CSNK2A2IP: variants seen among roughly 807,000 people sequenced by gnomAD.
The protein encoded by CSNK2A2IP is casein kinase 2 subunit alpha' interacting protein, also known as casein kinase II subunit alpha'-interacting protein.
At chr3:88,442,189 T>C in the CSNK2A2IP span, among the ~76,000 whole-genome samples, 1 of 152,074 alleles carries the variant, frequency 6.6e-6, no homozygotes. Flanking sequence ...AATTTCTATT[T>C]GGCCTATGAA....
the CSNK2A2IP span, among the ~76,000 whole-genome samples, chr3:88,462,406 C>T: frequency 1.3e-5 from 2 of 152,150 alleles, no homozygotes; most frequent in East Asian, 3.9e-4. Flanking sequence ...GTGTTTATTA[C>T]TCACACAGGC....
chr3:88,374,858 T>A, the CSNK2A2IP span, among the ~76,000 whole-genome samples: 1 of 151,650 alleles, frequency 6.6e-6, no homozygotes, highest in African/African-American at 2.4e-5. Flanking sequence ...TCAAATATAT[T>A]CCAACTATAC....
chr3:88,451,885 A>G, the CSNK2A2IP span, among the ~76,000 whole-genome samples: 1 of 151,872 alleles, frequency 6.6e-6, no homozygotes, highest in Admixed American at 6.6e-5. Context: ...AAATGCCTTA[A>G]TAATCTTTAT....
At chr3:88,465,759 C>A in the CSNK2A2IP span, 1 of 1,231,692 alleles carries the variant, frequency 8.1e-7, no homozygotes. Context: ...CTTCATCTGA[C>A]CTCAACATGA....
At chr3:88,424,727 A>G in the CSNK2A2IP span, among the ~76,000 whole-genome samples, 2 of 152,090 alleles carry the variant, frequency 1.3e-5, no homozygotes, top group African/African-American at 4.8e-5. Flanking sequence ...GGCTTGCAAC[A>G]TTTGGTCTGT....
At chr3:88,419,961 A>G in the CSNK2A2IP span, among the ~76,000 whole-genome samples, 1 of 152,182 alleles carries the variant, frequency 6.6e-6, no homozygotes, top group Non-Finnish European at 1.5e-5. Flanking sequence ...GCAAAGAGGA[A>G]AAAAACCAAT....
the CSNK2A2IP span, among the ~76,000 whole-genome samples, chr3:88,369,584 G>C: frequency 6.6e-6 from 1 of 151,898 alleles, no homozygotes; most frequent in African/African-American, 2.4e-5. Flanking sequence ...GAAAATTCTA[G>C]AAGGAGGAGC....
the CSNK2A2IP span, chr3:88,465,499 T>A: frequency 2.4e-6 from 3 of 1,231,642 alleles, no homozygotes; most frequent in Non-Finnish European, 3.0e-6. Context: ...CAAAGTGCAA[T>A]CCCATAGCAA....
the CSNK2A2IP span, among the ~76,000 whole-genome samples, chr3:88,355,390 G>A: frequency 1.2e-4 from 19 of 152,140 alleles, no homozygotes; most frequent in African/African-American, 4.6e-4. Context: ...CCCAGAGTCT[G>A]CACTATAAAA....
chr3:88,439,343 T>C, the CSNK2A2IP span, among the ~76,000 whole-genome samples: 2 of 152,110 alleles, frequency 1.3e-5, no homozygotes, highest in Admixed American at 6.5e-5. Context: ...GTAGATAAAT[T>C]TACAGTCTAA....
chr3:88,384,674 G>C, the CSNK2A2IP span, among the ~76,000 whole-genome samples: 140 of 152,304 alleles, frequency 9.2e-4, 1 homozygote, highest in Middle Eastern at 3.4e-3. Flanking sequence ...AACAATTTTT[G>C]TGGCTATAGA....
chr3:88,449,764 C>T, the CSNK2A2IP span, among the ~76,000 whole-genome samples: 1 of 133,268 alleles, frequency 7.5e-6, no homozygotes, highest in Admixed American at 7.5e-5. Context: ...TTTTTCTCTT[C>T]ACGATTGTGA....
the CSNK2A2IP span, chr3:88,465,972 A>G: frequency 1.6e-6 from 2 of 1,231,510 alleles, no homozygotes; most frequent in African/African-American, 3.1e-5. Flanking sequence ...CTTCCTTGGG[A>G]CCCAAACGAA....
chr3:88,440,595 G>T, the CSNK2A2IP span, among the ~76,000 whole-genome samples: 12,704 of 152,158 alleles, frequency 0.083, 925 homozygotes, highest in Admixed American at 0.24. Context: ...GTACTTTTTG[G>T]ATAATCAACT....
chr3:88,425,694 GTGGTAGCAAGTAATAAGCAT>G, the CSNK2A2IP span, among the ~76,000 whole-genome samples: 1 of 152,082 alleles, frequency 6.6e-6, no homozygotes, highest in Non-Finnish European at 1.5e-5. Context: ...AGCAGTATTA[GTGGTAGCAAGTAATAAGCAT>G]TGGTATAACT....
chr3:88,440,205 A>AT, the CSNK2A2IP span, among the ~76,000 whole-genome samples: 3 of 152,232 alleles, frequency 2.0e-5, no homozygotes, highest in African/African-American at 7.2e-5. Flanking sequence ...TGTATTTTGC[A>AT]TTTTTTAGTT....
the CSNK2A2IP span, among the ~76,000 whole-genome samples, chr3:88,372,323 T>C: frequency 1.3e-5 from 2 of 151,506 alleles, no homozygotes; most frequent in African/African-American, 2.4e-5. Context: ...TGCACCAATC[T>C]AACATTATAT....
chr3:88,339,025 A>G, the CSNK2A2IP span, among the ~76,000 whole-genome samples: 1 of 152,120 alleles, frequency 6.6e-6, no homozygotes, highest in Non-Finnish European at 1.5e-5. Context: ...TAATTGGGGT[A>G]GCCATTGTCT....
the CSNK2A2IP span, among the ~76,000 whole-genome samples, chr3:88,464,913 G>A: frequency 3.3e-4 from 50 of 152,278 alleles, no homozygotes; most frequent in Admixed American, 5.9e-4. Context: ...ATGAATGGGG[G>A]TTTTGAAAGT....
Sources: gnomAD v4.1 joint callset for allele counts (sites outside exome capture counted in the v4.1 genomes callset) on GRCh38, gnomAD v4.1.1 for gene constraint, MANE v1.5 for transcripts, NCBI Gene and HGNC (gene_info 2026-07-23, HGNC 2026-07-21) for gene names.